The following ANKDD1B variants were observed in gnomAD, a reference collection of about 807,000 sequenced individuals.
The protein encoded by ANKDD1B is ankyrin repeat and death domain-containing protein 1B.
A neutral mutation model predicts 59.7 loss-of-function variants in ANKDD1B; 57 were observed. That is an observed-to-expected ratio of 0.95 (90% CI 0.77 to 1.19). The LOEUF (loss-of-function observed/expected upper bound fraction) is 1.19. Among genes scored for constraint, ANKDD1B ranks in the 50% most tolerant of loss-of-function variants. ANKDD1B has a pLI of 0.00. For synonymous variants in ANKDD1B, 216 were observed against 239.5 expected (o/e 0.90, Z 0.91); for missense variants, 602 against 641.9 (o/e 0.94, Z 0.67).
chr5:75,623,666 T>C (rs910536883), intron 3 of ANKDD1B, among the ~76,000 whole-genome samples: 2 of 152,106 alleles, frequency 1.3e-5, no homozygotes, highest in African/African-American at 4.8e-5. Context: ...CTATTGACAT[T>C]TTGGGCCTGA....
chr5:75,662,730 G>T (rs1775193274), intron 10 of ANKDD1B, among the ~76,000 whole-genome samples: 1 of 151,946 alleles, frequency 6.6e-6, no homozygotes, highest in African/African-American at 2.4e-5. Context: ...TTACCATGTG[G>T]GCTCCAGGCA....
chr5:75,641,034 C>T (rs952497082), intron 7 of ANKDD1B, among the ~76,000 whole-genome samples: 2 of 152,056 alleles, frequency 1.3e-5, no homozygotes, highest in African/African-American at 2.4e-5. Context: ...ACAGAGAAGA[C>T]GCTGAAAAAA....
In ANKDD1B at chr5:75,669,388, G is replaced by A. The variant is rs1775411208; in HGVS notation, c.1525+5G>A. The A allele has an allele frequency of 1.6e-6, 2 of 1,232,034 alleles. No homozygotes were observed. Among genetic ancestry groups the A allele is most frequent in the Admixed American group, 8.4e-5 (2 of 23,700 alleles). The allele number at this position is 1,232,034 out of a possible 1,614,324, so 76.3% of individuals were successfully genotyped here. On this transcript the variant is annotated splice_donor_5th_base_variant and intron_variant, in intron 13 of 13. Coordinates refer to ENST00000601380, the MANE Select transcript of ANKDD1B (RefSeq NM_001276713.2). ...CAGGTTTCCCAAAACTAGCTGGTAA[G>A]TGACAGTTTCAACAACAGAAATTCT...
intron 7 of ANKDD1B, among the ~76,000 whole-genome samples, chr5:75,648,595 C>T (rs1220227179): frequency 1.3e-5 from 2 of 152,172 alleles, no homozygotes; most frequent in Non-Finnish European, 2.9e-5. Flanking sequence ...CTCAGCTGCT[C>T]TAGGCAGCCT....
chr5:75,659,320 G>T lies in ANKDD1B; in HGVS notation c.1034G>T (p.Gly345Val), dbSNP rs1328777643. 1.3e-6 allele frequency: 2 copies of T among 1,536,126 alleles called. No individual in the cohort carries two copies. The highest frequency in any genetic ancestry group is 1.7e-6 in the Non-Finnish European group (2 of 1,146,906). ...QTPLHVAADRGNVELVETLLK... is the reference protein window; with the variant it reads ...QTPLHVAADRVNVELVETLLK... The stretch of plus-strand genomic sequence containing the variant: ...CCTCTGCATGTAGCTGCTGATCGTG[G>T]AAATGTGGAACTGGTGGAAACCCTG... Residue 345 changes from glycine (G) to valine (V), a missense_variant, in exon 10 of 14, where the codon GGA (glycine) becomes GTA (valine). Gly to Val is a moderately radical substitution (Grantham distance 109). Transcript: ENST00000601380.
At chr5:75,643,323 A>G (rs1407788305) in intron 7 of ANKDD1B, among the ~76,000 whole-genome samples, 1 of 26,342 alleles carries the variant, frequency 3.8e-5, no homozygotes, top group Non-Finnish European at 5.5e-5. Flanking sequence ...CATTCAAACC[A>G]AAGGCAAAGA....
intron 3 of ANKDD1B, among the ~76,000 whole-genome samples, chr5:75,623,489 G>A (rs1581131572): frequency 1.3e-5 from 2 of 152,304 alleles, no homozygotes; most frequent in South Asian, 4.1e-4. Flanking sequence ...CAAGTAGTCA[G>A]TCATTGTTCA....
chr5:75,616,531 C>G (rs530651010), intron 1 of ANKDD1B, among the ~76,000 whole-genome samples: 1 of 152,286 alleles, frequency 6.6e-6, no homozygotes, highest in African/African-American at 2.4e-5. Context: ...AAGCCAGATA[C>G]CAGGTTACTG....
Position 75,611,505 on chromosome 5 carries a change from C to A in ANKDD1B, c.-130C>A, listed in dbSNP as rs1381451968. On this transcript the variant is annotated 5_prime_UTR_variant, in exon 1 of 14. Coordinates refer to ENST00000601380, the MANE Select transcript of ANKDD1B (RefSeq NM_001276713.2). ...AGCGGACTCGATCCTGCGCTCCGGC[C>A]GGGCTGACCTGCCTGCGTCCAGCCC... is the stretch of plus-strand genomic sequence containing the variant. 1.5e-6 allele frequency: 1 copy of A among 648,486 alleles called. No individual in the cohort carries two copies. The highest frequency in any genetic ancestry group is 3.4e-5 in the East Asian group (1 of 29,124). The allele number at this position is 648,486 out of a possible 1,614,324, so 40.2% of individuals were successfully genotyped here.
chr5:75,655,003 G>A (rs371172351), intron 8 of ANKDD1B, among the ~76,000 whole-genome samples: 45 of 151,858 alleles, frequency 3.0e-4, no homozygotes, highest in African/African-American at 1.0e-3. Context: ...TGCCTTAATC[G>A]CTTCTGCCCT....
At chr5:75,619,809 T>A (rs1025065406) in intron 2 of ANKDD1B, among the ~76,000 whole-genome samples, 5 of 152,224 alleles carry the variant, frequency 3.3e-5, no homozygotes, top group Non-Finnish European at 2.9e-5. Flanking sequence ...TCACTCCTTT[T>A]ATCCCTTCCT....
intron 9 of ANKDD1B, among the ~76,000 whole-genome samples, chr5:75,657,096 T>G (rs1402797797): frequency 2.6e-5 from 4 of 152,242 alleles, no homozygotes; most frequent in Admixed American, 6.5e-5. Flanking sequence ...TTATTAAATA[T>G]ACTTATGTAT....
chr5:75,659,221 G>T, intron 9 of ANKDD1B, 62 bp from the exon 10 acceptor site: 1 of 1,198,420 alleles, frequency 8.3e-7, no homozygotes, highest in East Asian at 2.5e-5. Context: ...AAATAGGATG[G>T]CTATACTTTC....
intron 9 of ANKDD1B, 40 bp downstream of exon 9, chr5:75,656,167 T>A (rs1774970051): frequency 1.0e-6 from 1 of 985,438 alleles, no homozygotes; most frequent in African/African-American, 1.6e-5. Context: ...TCTCTTTTCT[T>A]AGTTTCAACA....
intron 7 of ANKDD1B, among the ~76,000 whole-genome samples, chr5:75,639,922 T>G (rs1774418816): frequency 6.6e-6 from 1 of 152,232 alleles, no homozygotes; most frequent in African/African-American, 2.4e-5. Context: ...TTAATGTTAT[T>G]TTTTAAAATG....
Position 75,620,320 on chromosome 5 carries a change from C to T in ANKDD1B, c.303C>T (p.Asn101=), listed in dbSNP as rs541289429. Residue 101 remains asparagine, a synonymous_variant, in exon 3 of 14, where the codon AAC becomes AAT. Transcript: ENST00000601380. ...KVNINVVNNM[N]RTALHFAVGR... ...CATAAATTATGCTTCCTCAGATGAA[C>T]CGCACAGCCCTGCATTTTGCAGTGG... The T allele has an allele frequency of 1.1e-3, 1,607 of 1,513,658 alleles. 3 individuals carry two copies. The highest frequency in any genetic ancestry group is 1.3e-3 in the Non-Finnish European group (1,465 of 1,130,674). 93.8% of individuals were successfully genotyped at this position (1,513,658 alleles called of 1,614,324 possible). A position where few individuals can be genotyped will look rare whatever the true frequency, so the allele number is the denominator to read the frequency against.
intron 7 of ANKDD1B, among the ~76,000 whole-genome samples, chr5:75,649,739 C>G (rs1162731535): frequency 3.9e-5 from 6 of 152,340 alleles, no homozygotes; most frequent in South Asian, 2.1e-4. Context: ...GCCAACAAGT[C>G]ATGCTATTTT....
intron 1 of ANKDD1B, among the ~76,000 whole-genome samples, chr5:75,614,693 A>G (rs1349031114): frequency 6.6e-6 from 1 of 152,200 alleles, no homozygotes; most frequent in Non-Finnish European, 1.5e-5. Flanking sequence ...CTTTCAGTCC[A>G]TTGGATACAC....
At chr5:75,656,979 G>C (rs1233966248) in intron 9 of ANKDD1B, among the ~76,000 whole-genome samples, 1 of 152,212 alleles carries the variant, frequency 6.6e-6, no homozygotes, top group African/African-American at 2.4e-5. Flanking sequence ...GCTGAATGAA[G>C]ATTTACCTGT....
Sources: gnomAD v4.1 joint callset for allele counts (sites outside exome capture counted in the v4.1 genomes callset) on GRCh38, gnomAD v4.1.1 for gene constraint, MANE v1.5 for transcripts, NCBI Gene and HGNC (gene_info 2026-07-23, HGNC 2026-07-21) for gene names.